Variants in SGCZ observed in about 807,000 individuals in gnomAD.
SGCZ encodes sarcoglycan zeta.
A neutral mutation model predicts 41.3 loss-of-function variants in SGCZ; 40 were observed. The observed-to-expected ratio is 0.97, with a 90% CI of 0.75 to 1.26. The LOEUF (loss-of-function observed/expected upper bound fraction) is 1.26, where lower values mean the gene tolerates loss of function less well. SGCZ is among the 50% of genes most tolerant of loss of function. The pLI, the probability that SGCZ is intolerant of heterozygous loss-of-function variation, is 0.00. For missense variants in SGCZ, 552 were observed against 369.8 expected (o/e 1.49, Z -4.04); for synonymous variants, 206 against 137.5 (o/e 1.50, Z -3.49).
At chr8:15,072,876 T>C (rs1805404791) in intron 1 of SGCZ, among the ~76,000 whole-genome samples, 1 of 152,298 alleles carries the variant, frequency 6.6e-6, no homozygotes. Flanking sequence ...ATACGACTCT[T>C]AGAAGGATGT....
intron 1 of SGCZ, among the ~76,000 whole-genome samples, chr8:15,030,260 C>G (rs1023238057): frequency 2.0e-5 from 3 of 152,096 alleles, no homozygotes; most frequent in African/African-American, 7.2e-5. Flanking sequence ...ATGCCAAGAT[C>G]TTATTCATCC....
At chr8:15,177,003 AAAAAAG>A (rs930663730) in intron 1 of SGCZ, among the ~76,000 whole-genome samples, 4 of 152,238 alleles carry the variant, frequency 2.6e-5, no homozygotes, top group Non-Finnish European at 4.4e-5. Context: ...TTTGTTTCAA[AAAAAAG>A]AAAAAGAAAA....
chr8:15,080,783 G>A (rs777634005), intron 1 of SGCZ, among the ~76,000 whole-genome samples: 2 of 151,794 alleles, frequency 1.3e-5, no homozygotes, highest in Non-Finnish European at 2.9e-5. Context: ...TAGTAGAATC[G>A]GGGTTTCACC....
chr8:14,539,084 G>C (rs1173992247), intron 2 of SGCZ, among the ~76,000 whole-genome samples: 2 of 151,922 alleles, frequency 1.3e-5, no homozygotes, highest in East Asian at 3.9e-4. Context: ...TAATATGAGT[G>C]GGCCTCATCC....
At chr8:14,409,475 GAA>G (rs71541667) in intron 2 of SGCZ, among the ~76,000 whole-genome samples, 1 of 150,520 alleles carries the variant, frequency 6.6e-6, no homozygotes, top group Non-Finnish European at 1.5e-5. Flanking sequence ...CTCAGAATTT[GAA>G]AAAAAAATCA....
intron 1 of SGCZ, among the ~76,000 whole-genome samples, chr8:14,882,063 G>T (rs75601366): frequency 6.6e-6 from 1 of 152,272 alleles, no homozygotes; most frequent in Admixed American, 6.5e-5. Flanking sequence ...TTTCTGGGAC[G>T]CAGCAAAAGC....
intron 1 of SGCZ, among the ~76,000 whole-genome samples, chr8:15,205,627 G>C (rs1801033916): frequency 6.6e-6 from 1 of 152,156 alleles, no homozygotes; most frequent in Non-Finnish European, 1.5e-5. Context: ...AGGCTGTGGA[G>C]AAAAGGGAAC....
intron 1 of SGCZ, among the ~76,000 whole-genome samples, chr8:14,920,966 C>T (rs561774030): frequency 1.3e-5 from 2 of 152,152 alleles, no homozygotes; most frequent in Admixed American, 1.3e-4. Flanking sequence ...AGACATTGAC[C>T]TTGACTGCAG....
intron 4 of SGCZ, among the ~76,000 whole-genome samples, chr8:14,181,345 C>G (rs1235314142): frequency 1.3e-5 from 2 of 152,160 alleles, no homozygotes; most frequent in Admixed American, 6.5e-5. Context: ...AATGGTGTGC[C>G]TTAAAATACT....
chr8:15,057,100 G>T (rs1380179060), intron 1 of SGCZ, among the ~76,000 whole-genome samples: 1 of 152,190 alleles, frequency 6.6e-6, no homozygotes, highest in Non-Finnish European at 1.5e-5. Context: ...GCTGTTCCCC[G>T]ATTACCACTG....
intron 1 of SGCZ, among the ~76,000 whole-genome samples, chr8:14,802,554 C>T (rs983558858): frequency 8.5e-5 from 13 of 152,058 alleles, no homozygotes; most frequent in South Asian, 2.1e-4. Flanking sequence ...CATTTGCTGC[C>T]GCCTTTTTTA....
chr8:14,360,238 CAT>C (rs1410577434), intron 2 of SGCZ, among the ~76,000 whole-genome samples: 7 of 151,956 alleles, frequency 4.6e-5, no homozygotes, highest in African/African-American at 1.7e-4. Context: ...TCTTATTCAA[CAT>C]AGTTCCAGAA....
intron 2 of SGCZ, among the ~76,000 whole-genome samples, chr8:14,427,353 C>A (rs2117325078): frequency 6.6e-6 from 1 of 152,058 alleles, no homozygotes; most frequent in South Asian, 2.1e-4. Context: ...CAAAATAAAA[C>A]AAACAAACAA....
chr8:14,914,373 A>T (rs1363300281), intron 1 of SGCZ, among the ~76,000 whole-genome samples: 1 of 152,080 alleles, frequency 6.6e-6, no homozygotes, highest in Non-Finnish European at 1.5e-5. Context: ...TCACAATGAC[A>T]ACTGTAGCTT....
intron 1 of SGCZ, among the ~76,000 whole-genome samples, chr8:14,624,647 T>C (rs1806395506): frequency 7.2e-6 from 1 of 139,554 alleles, no homozygotes; most frequent in African/African-American, 2.7e-5. Flanking sequence ...CTCGGCTCAC[T>C]GAAACCTCCG....
At chr8:14,481,732 A>C (rs1801539933) in intron 2 of SGCZ, among the ~76,000 whole-genome samples, 1 of 152,210 alleles carries the variant, frequency 6.6e-6, no homozygotes, top group South Asian at 2.1e-4. Flanking sequence ...ATTAAATTAA[A>C]ATTTAAAAAA....
chr8:14,886,417 G>T (rs1804806972), intron 1 of SGCZ, among the ~76,000 whole-genome samples: 1 of 152,106 alleles, frequency 6.6e-6, no homozygotes, highest in African/African-American at 2.4e-5. Flanking sequence ...ATATTGGGAG[G>T]TAGGGAATAA....
At chr8:14,094,657 G>A (rs192368497) in intron 7 of SGCZ, among the ~76,000 whole-genome samples, 2 of 152,164 alleles carry the variant, frequency 1.3e-5, no homozygotes, top group Admixed American at 6.6e-5. Context: ...TCACAGTAAC[G>A]GGATTGATGG....
At chr8:14,763,421 C>T (rs1272192308) in intron 1 of SGCZ, among the ~76,000 whole-genome samples, 1 of 152,196 alleles carries the variant, frequency 6.6e-6, no homozygotes, top group Non-Finnish European at 1.5e-5. Context: ...ATTGTCTCTT[C>T]TTCAAACTCC....
Sources: allele counts gnomAD v4.1 joint callset (sites outside exome capture counted in the v4.1 genomes callset), GRCh38; gene constraint gnomAD v4.1.1; transcripts MANE v1.5; gene names NCBI Gene and HGNC (gene_info 2026-07-23, HGNC 2026-07-21).